The following ZNF423 variants were observed in gnomAD, a reference collection of about 807,000 sequenced individuals.
ZNF423 encodes Ebf-associated zinc finger protein.
Under a neutral mutation model 95.8 loss-of-function variants are expected in ZNF423, and 12 were observed. That is an observed-to-expected ratio of 0.13 (90% CI 0.08 to 0.20). ZNF423 has a LOEUF of 0.20. Ranked by LOEUF, ZNF423 falls within the 10% of genes least tolerant of loss-of-function variation. ZNF423 has a pLI of 1.00. For missense variants in ZNF423, 1,316 were observed against 1,737.1 expected, an observed-to-expected ratio of 0.76 and a Z score of 4.31; for synonymous variants, 749 against 711.9, an observed-to-expected ratio of 1.05 and a Z score of -0.83.
chr16:49,551,827 A>T (rs1021571585), intron 5 of ZNF423, among the ~76,000 whole-genome samples: 1 of 152,178 alleles, frequency 6.6e-6, no homozygotes, highest in African/African-American at 2.4e-5. Context: ...AACAGCCAGG[A>T]AGGCATCTGA....
intron 5 of ZNF423, among the ~76,000 whole-genome samples, chr16:49,571,662 C>G (rs1361287853): frequency 6.6e-6 from 1 of 152,116 alleles, no homozygotes; most frequent in Non-Finnish European, 1.5e-5. Context: ...AAGGCCACTT[C>G]CAGTTCACCA....
chr16:49,634,801 C>T (rs927181874), intron 4 of ZNF423, among the ~76,000 whole-genome samples: 3 of 152,192 alleles, frequency 2.0e-5, no homozygotes. Flanking sequence ...CCATTGGTTG[C>T]CCCTCAGCCC....
At chr16:49,665,056 T>C (rs1429318577) in intron 3 of ZNF423, among the ~76,000 whole-genome samples, 1 of 152,102 alleles carries the variant, frequency 6.6e-6, no homozygotes, top group Non-Finnish European at 1.5e-5. Context: ...GGCCTGGGGC[T>C]GGGGACTGGC....
intron 7 of ZNF423, chr16:49,517,921 AT>A (rs1968220114): frequency 2.2e-6 from 1 of 449,648 alleles, no homozygotes; most frequent in South Asian, 1.6e-5. Flanking sequence ...TAAAAAAGAA[AT>A]GTAGAAACTG....
At chr16:49,631,025 C>T (rs1013905869) in intron 4 of ZNF423, among the ~76,000 whole-genome samples, 1 of 152,112 alleles carries the variant, frequency 6.6e-6, no homozygotes, top group Non-Finnish European at 1.5e-5. Flanking sequence ...ACCCGCAACC[C>T]CTACACACAG....
At chr16:49,639,310 T>A (rs1192497823) in intron 3 of ZNF423, among the ~76,000 whole-genome samples, 1 of 152,126 alleles carries the variant, frequency 6.6e-6, no homozygotes, top group African/African-American at 2.4e-5. Context: ...AAATCCCTAA[T>A]CCTGGAGGGA....
intron 5 of ZNF423, among the ~76,000 whole-genome samples, chr16:49,531,514 C>G (rs1210941863): frequency 6.6e-6 from 1 of 152,062 alleles, no homozygotes; most frequent in African/African-American, 2.4e-5. Context: ...AGCTAGGAAC[C>G]TGAGCTGTGG....
At chr16:49,824,063 A>G (rs571886050) in intron 1 of ZNF423, among the ~76,000 whole-genome samples, 30 of 152,310 alleles carry the variant, frequency 2.0e-4, no homozygotes, top group African/African-American at 7.2e-4. Flanking sequence ...TCGATGACAG[A>G]GTGATAACAT....
chr16:49,514,209 CACATGCACACGCACATGCGT>C (rs1968030466), intron 7 of ZNF423, among the ~76,000 whole-genome samples: 2 of 62,760 alleles, frequency 3.2e-5, no homozygotes, highest in African/African-American at 1.6e-4. Flanking sequence ...CACACACACA[CACATGCACACGCACATGCGT>C]ACACACACAC....
At chr16:49,850,865 G>A (rs1413241606) in intron 1 of ZNF423, among the ~76,000 whole-genome samples, 4 of 152,150 alleles carry the variant, frequency 2.6e-5, no homozygotes, top group South Asian at 4.1e-4. Flanking sequence ...ACATCTCACA[G>A]CCTTCCAACC....
chr16:49,795,139 T>G (rs2034478100), intron 1 of ZNF423, among the ~76,000 whole-genome samples: 2 of 152,220 alleles, frequency 1.3e-5, no homozygotes, highest in Non-Finnish European at 2.9e-5. Context: ...CCCAAAGTGC[T>G]GGGATTACAG....
intron 2 of ZNF423, among the ~76,000 whole-genome samples, chr16:49,787,162 C>T (rs1486118730): frequency 6.6e-6 from 1 of 152,170 alleles, no homozygotes; most frequent in African/African-American, 2.4e-5. Context: ...CACTGACTTC[C>T]GCCTGCCACC....
At chr16:49,782,744 C>A (rs1018392324) in intron 2 of ZNF423, among the ~76,000 whole-genome samples, 3 of 152,190 alleles carry the variant, frequency 2.0e-5, no homozygotes, top group African/African-American at 7.2e-5. Flanking sequence ...GGAGCAGACT[C>A]TGCCCAACCA....
intron 7 of ZNF423, among the ~76,000 whole-genome samples, chr16:49,501,550 A>C (rs999130989): frequency 2.6e-5 from 4 of 152,184 alleles, no homozygotes; most frequent in Non-Finnish European, 4.4e-5. Flanking sequence ...GAAAATAAGC[A>C]TTCCACCAAA....
chr16:49,684,807 A>T (rs1050464357), intron 3 of ZNF423, among the ~76,000 whole-genome samples: 3 of 152,264 alleles, frequency 2.0e-5, no homozygotes, highest in African/African-American at 4.8e-5. Context: ...CAGCTGCAAG[A>T]AGGAGCTGCC....
At chr16:49,565,550 C>CT (rs1970160494) in intron 5 of ZNF423, among the ~76,000 whole-genome samples, 1 of 152,164 alleles carries the variant, frequency 6.6e-6, no homozygotes, top group African/African-American at 2.4e-5. Context: ...GCAGGCTCAG[C>CT]TTTGTGGAAG....
At chr16:49,822,681 T>G (rs752433581) in intron 1 of ZNF423, 1 of 1,612,314 alleles carries the variant, frequency 6.2e-7, no homozygotes, top group Non-Finnish European at 8.5e-7. Context: ...CCTCTTCTTA[T>G]GCATCCATGT....
intron 5 of ZNF423, among the ~76,000 whole-genome samples, chr16:49,553,819 T>C (rs1969728594): frequency 6.6e-6 from 1 of 152,210 alleles, no homozygotes; most frequent in South Asian, 2.1e-4. Context: ...CTCCCCTGTT[T>C]ATAAGATTCT....
intron 2 of ZNF423, among the ~76,000 whole-genome samples, chr16:49,755,377 T>C (rs919925663): frequency 2.0e-5 from 3 of 152,190 alleles, no homozygotes; most frequent in African/African-American, 7.2e-5. Flanking sequence ...GCTTCCTGCT[T>C]CCTCCAAACC....
Sources: gnomAD v4.1 joint callset for allele counts (sites outside exome capture counted in the v4.1 genomes callset) on GRCh38, gnomAD v4.1.1 for gene constraint, MANE v1.5 for transcripts, NCBI Gene and HGNC (gene_info 2026-07-23, HGNC 2026-07-21) for gene names.